MRAS: variants seen among roughly 807,000 people sequenced by gnomAD.
The protein encoded by MRAS is muscle RAS oncogene homolog, also known as ras-related protein M-Ras.
Under a neutral mutation model 20.9 loss-of-function variants are expected in MRAS, and 4 were observed. The observed-to-expected ratio is 0.19, with a 90% CI of 0.09 to 0.44. MRAS has a LOEUF of 0.44. Ranked by LOEUF, MRAS falls within the 20% of genes least tolerant of loss-of-function variation. The pLI, the probability that MRAS is intolerant of heterozygous loss-of-function variation, is 0.99. For missense variants in MRAS, 154 were observed against 277.5 expected, an observed-to-expected ratio of 0.56 and a Z score of 3.16; for synonymous variants, 98 against 102.9, an observed-to-expected ratio of 0.95 and a Z score of 0.29.
chr3:138,356,295 A>G (rs2054332912), intron 1 of MRAS, among the ~76,000 whole-genome samples: 1 of 152,214 alleles, frequency 6.6e-6, no homozygotes, highest in African/African-American at 2.4e-5. Flanking sequence ...GCTGGAGTGT[A>G]GTGGATTCAG....
intron 2 of MRAS, among the ~76,000 whole-genome samples, chr3:138,393,696 C>CTT (rs1164188003): frequency 1.6e-5 from 2 of 128,928 alleles, no homozygotes; most frequent in African/African-American, 5.9e-5. Context: ...CTGCTTTTTT[C>CTT]TTTTTTTTTT....
Position 138,402,252 on chromosome 3 carries a change from C to T in MRAS, c.610C>T (p.Gln204Ter). 1.2e-6 allele frequency: 2 copies of T among 1,614,212 alleles called. No individual in the cohort carries two copies. Among genetic ancestry groups the T allele is most frequent in the South Asian group, 1.1e-5 (1 of 91,088 alleles). ...CCGGGCCACAGGCACCCACAAACTGCAATGTGTGATCTTGTGACAGGCCTG... is the reference window on the plus strand; with the variant it reads ...CCGGGCCACAGGCACCCACAAACTGTAATGTGTGATCTTGTGACAGGCCTG... ...GDRATGTHKLQCVIL is the reference protein window; with the variant it reads ...GDRATGTHKL The change falls in exon 6 of 6, where the codon CAA (glutamine) becomes TAA (stop). Residue 204 changes from glutamine to a stop codon, truncating the protein, a stop_gained. Transcript: ENST00000423968. LOFTEE classifies it high-confidence loss of function.
intron 1 of MRAS, among the ~76,000 whole-genome samples, chr3:138,362,372 G>A (rs894111808): frequency 6.6e-6 from 1 of 152,120 alleles, no homozygotes; most frequent in African/African-American, 2.4e-5. Flanking sequence ...TTGGTAAAAT[G>A]GGGATAATAA....
At chr3:138,357,037 A>G (rs548163648) in intron 1 of MRAS, among the ~76,000 whole-genome samples, 11 of 152,370 alleles carry the variant, frequency 7.2e-5, no homozygotes, top group African/African-American at 2.2e-4. Context: ...TGGACTCCCA[A>G]CTGGGTATGG....
chr3:138,379,451 G>T (rs151093495), intron 2 of MRAS, among the ~76,000 whole-genome samples: 1 of 143,688 alleles, frequency 7.0e-6, no homozygotes, highest in Admixed American at 7.1e-5. Flanking sequence ...TCCCCCTCCC[G>T]GGTTCAAGCA....
chr3:138,395,509 A>G (rs578071579), intron 2 of MRAS, among the ~76,000 whole-genome samples: 1 of 151,762 alleles, frequency 6.6e-6, no homozygotes, highest in African/African-American at 2.4e-5. Flanking sequence ...GAGCCTTCGA[A>G]TTTGTTGTGT....
chr3:138,397,266 G>A, intron 2 of MRAS, 58 bp from the exon 3 acceptor site: 1 of 1,588,068 alleles, frequency 6.3e-7, no homozygotes, highest in Non-Finnish European at 8.6e-7. Context: ...AGTCTTGCAG[G>A]CTGTGGGGGC....
chr3:138,358,251 C>T (rs533974484), intron 1 of MRAS, among the ~76,000 whole-genome samples: 92 of 152,038 alleles, frequency 6.1e-4, no homozygotes, highest in South Asian at 2.1e-4. Context: ...GCAGGAGAGT[C>T]GCTTGAATCC....
At chr3:138,372,302 CTT>C (rs2054691261) in intron 1 of MRAS, among the ~76,000 whole-genome samples, 2 of 152,098 alleles carry the variant, frequency 1.3e-5, no homozygotes, top group African/African-American at 4.8e-5. Flanking sequence ...TCCCGCATGA[CTT>C]TGTGTATAAT....
At chr3:138,379,942 C>T (rs2054865128) in intron 2 of MRAS, among the ~76,000 whole-genome samples, 1 of 152,144 alleles carries the variant, frequency 6.6e-6, no homozygotes, top group African/African-American at 2.4e-5. Flanking sequence ...TATATTCCCA[C>T]CAGCAGTATC....
chr3:138,379,646 C>T (rs1165171242), intron 2 of MRAS, among the ~76,000 whole-genome samples: 2 of 152,252 alleles, frequency 1.3e-5, no homozygotes, highest in Non-Finnish European at 2.9e-5. Context: ...GCATGAGCCA[C>T]TGCGCCCAGC....
At chr3:138,359,320 C>T (rs943354786) in intron 1 of MRAS, among the ~76,000 whole-genome samples, 1 of 152,172 alleles carries the variant, frequency 6.6e-6, no homozygotes, top group African/African-American at 2.4e-5. Context: ...CCTTCTTCCT[C>T]CGCATCTGCT....
At chr3:138,363,871 G>C (rs1484833527) in intron 1 of MRAS, among the ~76,000 whole-genome samples, 4 of 136,910 alleles carry the variant, frequency 2.9e-5, no homozygotes, top group Non-Finnish European at 4.5e-5. Flanking sequence ...TATGTTTTGT[G>C]ATGGAGAGCT....
chr3:138,352,059 C>T (rs13324341), intron 1 of MRAS, among the ~76,000 whole-genome samples: 20,983 of 152,188 alleles, frequency 0.14, 1,552 homozygotes, highest in East Asian at 0.24. Flanking sequence ...GCCAAGAGTA[C>T]AAATAGAGTG....
intron 2 of MRAS, 97 bp from the exon 3 acceptor site, chr3:138,397,227 G>A (rs572057859): frequency 1.1e-5 from 16 of 1,451,666 alleles, no homozygotes; most frequent in East Asian, 2.4e-5. Context: ...ACTGGGCCAC[G>A]GTAGGGACAG....
chr3:138,372,501 A>G (rs892375302), intron 1 of MRAS, among the ~76,000 whole-genome samples: 2 of 152,200 alleles, frequency 1.3e-5, no homozygotes, highest in African/African-American at 4.8e-5. Context: ...ATGAACCTCC[A>G]TGCCAGCCCT....
chr3:138,397,993 T>C (rs780955199), intron 3 of MRAS, among the ~76,000 whole-genome samples: 18 of 152,246 alleles, frequency 1.2e-4, no homozygotes, highest in Non-Finnish European at 2.6e-4. Flanking sequence ...TTTTTTAAAA[T>C]GGAAATACCC....
Position 138,404,853 on chromosome 3 carries a change from A to G in MRAS, c.*2584A>G, listed in dbSNP as rs1388401906. 1.3e-5 allele frequency: 2 copies of G among 152,166 alleles called. No individual in the cohort carries two copies. Among genetic ancestry groups the G allele is most frequent in the Non-Finnish European group, 2.9e-5 (2 of 68,038 alleles). 9.4% of individuals were successfully genotyped at this position (152,166 alleles called of 1,614,324 possible). A position where few individuals can be genotyped will look rare whatever the true frequency, so the allele number is the denominator to read the frequency against. On this transcript the variant is annotated 3_prime_UTR_variant, in exon 6 of 6. Coordinates refer to ENST00000423968, the MANE Select transcript of MRAS (RefSeq NM_001085049.3). ...ACGCCACACCATGACCGAGGAGCCA[A>G]CTGGGACTTCTGGCTGTTTGACATC...
At chr3:138,396,928 G>C (rs253666) in intron 2 of MRAS, among the ~76,000 whole-genome samples, 1 of 152,012 alleles carries the variant, frequency 6.6e-6, no homozygotes, top group Non-Finnish European at 1.5e-5. Flanking sequence ...GAGTCAGGCA[G>C]CCTCCCAAAG....
Sources: allele counts gnomAD v4.1 joint callset (sites outside exome capture counted in the v4.1 genomes callset), GRCh38; gene constraint gnomAD v4.1.1; transcripts MANE v1.5; gene names NCBI Gene and HGNC (gene_info 2026-07-23, HGNC 2026-07-21).